The following DCAF5 variants were observed in gnomAD, a reference collection of about 807,000 sequenced individuals.
DCAF5 encodes the protein DDB1 and CUL4 associated factor 5, also known as DDB1- and CUL4-associated factor 5.
Under a neutral mutation model 80.7 loss-of-function variants are expected in DCAF5, and 9 were observed. That is an observed-to-expected ratio of 0.11 (90% CI 0.07 to 0.19). The LOEUF is 0.19. Ranked by LOEUF, DCAF5 falls within the 10% of genes least tolerant of loss-of-function variation. DCAF5 has a pLI of 1.00. For missense variants in DCAF5, 842 were observed against 1,205.7 expected (o/e 0.70, Z 4.47); for synonymous variants, 433 against 461.9 (o/e 0.94, Z 0.80).
chr14:69,121,596 T>C, intron 2 of DCAF5, among the ~76,000 whole-genome samples: 1 of 152,332 alleles, frequency 6.6e-6, no homozygotes, highest in Middle Eastern at 3.4e-3. Context: ...GGAGGACTAA[T>C]GATCTTGGTT....
chr14:69,123,226 T>C (rs2040776998), intron 1 of DCAF5, among the ~76,000 whole-genome samples: 1 of 152,194 alleles, frequency 6.6e-6, no homozygotes, highest in South Asian at 2.1e-4. Flanking sequence ...AAATGAGGTA[T>C]AAAACAGTAT....
intron 8 of DCAF5, among the ~76,000 whole-genome samples, chr14:69,058,949 C>T (rs2038095430): frequency 2.6e-5 from 4 of 151,152 alleles, no homozygotes; most frequent in Admixed American, 2.6e-4. Flanking sequence ...AGAGATGAGA[C>T]AAATATTTTC....
intron 5 of DCAF5, among the ~76,000 whole-genome samples, chr14:69,104,713 C>T (rs185952713): frequency 2.2e-3 from 331 of 152,000 alleles, no homozygotes; most frequent in Admixed American, 3.5e-3. Context: ...AAAAATTAGC[C>T]GAGTGTAGCA....
intron 1 of DCAF5, among the ~76,000 whole-genome samples, chr14:69,136,835 G>C (rs2041211555): frequency 6.6e-6 from 1 of 152,092 alleles, no homozygotes; most frequent in South Asian, 2.1e-4. Context: ...GTAATGTTCA[G>C]GTGGAGAAAC....
intron 5 of DCAF5, among the ~76,000 whole-genome samples, chr14:69,102,341 T>G (rs1490431006): frequency 2.0e-5 from 3 of 151,928 alleles, no homozygotes; most frequent in Admixed American, 6.6e-5. Context: ...ACTCCCGACC[T>G]CAAGTGATCC....
chr14:69,059,377 C>G (rs1471531800), intron 8 of DCAF5, among the ~76,000 whole-genome samples: 1 of 152,226 alleles, frequency 6.6e-6, no homozygotes, highest in African/African-American at 2.4e-5. Context: ...GAGAGAAAAG[C>G]AGGTCTCAGG....
At position 69,152,668 on chromosome 14, in the gene DCAF5, T is replaced by G. The variant is rs992704873; in HGVS notation, c.214+97A>C. 1.4e-4 allele frequency: 104 copies of G among 717,410 alleles called. No homozygotes were observed. Among genetic ancestry groups the G allele is most frequent in the African/African-American group, 9.0e-4 (24 of 26,540 alleles). The allele number at this position is 717,410 out of a possible 1,614,324, so 44.4% of individuals were successfully genotyped here. The stretch of plus-strand genomic sequence containing the variant: ...GAAGGGGGTAGAGAAAGGGAGGGGG[T>G]GGGGACAGAGGGCAGGAGGAGGGTG... On this transcript the variant is annotated intron_variant, in intron 1 of 8. Transcript: ENST00000341516. This position sits in a 1 kb window ranked among gnomAD's most constrained non-coding sequence, Gnocchi z 4.1.
chr14:69,122,941 T>G (rs2014607), intron 1 of DCAF5, among the ~76,000 whole-genome samples: 36,412 of 152,118 alleles, frequency 0.24, 5,834 homozygotes, highest in Middle Eastern at 0.43. Flanking sequence ...CTAAGTTGGT[T>G]GTTATTGTTT....
chr14:69,136,576 A>C, intron 1 of DCAF5, among the ~76,000 whole-genome samples: 1 of 152,026 alleles, frequency 6.6e-6, no homozygotes, highest in Non-Finnish European at 1.5e-5. Context: ...TTTACTATTT[A>C]ATGTTTTTTC....
At chr14:69,122,850 A>C (rs1042791531) in intron 1 of DCAF5, among the ~76,000 whole-genome samples, 2 of 142,360 alleles carry the variant, frequency 1.4e-5, no homozygotes, top group Admixed American at 7.5e-5. Flanking sequence ...ATGATAACTA[A>C]GAAATCACCT....
At chr14:69,064,020 A>AT (rs1026886938) in intron 7 of DCAF5, among the ~76,000 whole-genome samples, 1 of 152,180 alleles carries the variant, frequency 6.6e-6, no homozygotes, top group African/African-American at 2.4e-5. Context: ...GGATTAGTGG[A>AT]TTTTTCATGG....
intron 6 of DCAF5, among the ~76,000 whole-genome samples, chr14:69,079,166 T>C (rs1344996639): frequency 6.6e-6 from 1 of 152,196 alleles, no homozygotes; most frequent in East Asian, 1.9e-4. Flanking sequence ...GTTTTACTAT[T>C]TCATCGTGAA....
intron 6 of DCAF5, among the ~76,000 whole-genome samples, chr14:69,080,917 T>C (rs1480891859): frequency 6.6e-6 from 1 of 152,132 alleles, no homozygotes; most frequent in African/African-American, 2.4e-5. Flanking sequence ...TATGAAAAAT[T>C]CATTGCCTTC....
intron 5 of DCAF5, among the ~76,000 whole-genome samples, chr14:69,114,655 T>C (rs1409744799): frequency 6.6e-6 from 1 of 152,174 alleles, no homozygotes; most frequent in Non-Finnish European, 1.5e-5. Flanking sequence ...GTAACAGAGA[T>C]AATCTGGAGA....
rs923143951 is a variant in DCAF5 at position 69,153,045 on chromosome 14, C to A, written c.-67G>T. The A allele has an allele frequency of 4.4e-5, 55 of 1,251,190 alleles. No homozygotes were observed. The highest frequency in any genetic ancestry group is 2.9e-4 in the Middle Eastern group (1 of 3,476). 77.5% of individuals were successfully genotyped at this position (1,251,190 alleles called of 1,614,324 possible). A position where few individuals can be genotyped will look rare whatever the true frequency, so the allele number is the denominator to read the frequency against. Reference sequence around the variant, plus strand: ...CTCGGCCTCACGCGCGGCCGCTGCTCCCCCCACCCGGCCCTCCCCCCGCGC... The same window carrying A: ...CTCGGCCTCACGCGCGGCCGCTGCTACCCCCACCCGGCCCTCCCCCCGCGC... On this transcript the variant is annotated 5_prime_UTR_variant, in exon 1 of 9. Coordinates refer to ENST00000341516, the MANE Select transcript of DCAF5 (RefSeq NM_003861.3).
intron 1 of DCAF5, among the ~76,000 whole-genome samples, chr14:69,133,799 T>C (rs989230912): frequency 2.0e-4 from 31 of 152,208 alleles, no homozygotes; most frequent in Non-Finnish European, 3.5e-4. Flanking sequence ...AGTGAGGTCC[T>C]GGCTTGCCTT....
chr14:69,143,128 T>C (rs949318482), intron 1 of DCAF5, among the ~76,000 whole-genome samples: 2 of 152,198 alleles, frequency 1.3e-5, no homozygotes, highest in Non-Finnish European at 2.9e-5. Flanking sequence ...CCCTGCTTAC[T>C]GGCTCCAAGT....
intron 1 of DCAF5, among the ~76,000 whole-genome samples, chr14:69,126,164 T>C (rs1021500233): frequency 2.0e-5 from 3 of 152,044 alleles, no homozygotes; most frequent in Admixed American, 6.6e-5. Flanking sequence ...TCTTTTTTTT[T>C]TTTTTTAGAC....
intron 1 of DCAF5, among the ~76,000 whole-genome samples, chr14:69,130,161 G>A (rs553275356): frequency 6.6e-6 from 1 of 152,256 alleles, no homozygotes; most frequent in Non-Finnish European, 1.5e-5. Context: ...CTGAGGTAAG[G>A]ATTTGCTTTG....
Sources: gnomAD v4.1 joint callset for allele counts (sites outside exome capture counted in the v4.1 genomes callset) on GRCh38, gnomAD v4.1.1 for gene constraint, Gnocchi (gnomAD v3.1) non-coding constraint, MANE v1.5 for transcripts, NCBI Gene and HGNC (gene_info 2026-07-23, HGNC 2026-07-21) for gene names.